Variants in GPC6 observed in about 807,000 individuals in gnomAD.
GPC6 encodes glypican 6.
A neutral mutation model predicts 55.2 loss-of-function variants in GPC6; 14 were observed. The ratio of observed to expected loss-of-function variants is 0.25; its 90% CI spans 0.17 to 0.40. The LOEUF (loss-of-function observed/expected upper bound fraction) is 0.40, where lower values mean the gene tolerates loss of function less well. Among genes scored for constraint, GPC6 ranks in the 10% least tolerant of loss-of-function variants. GPC6 has a pLI of 1.00. For missense variants in GPC6, 641 were observed against 708.5 expected, an observed-to-expected ratio of 0.90 and a Z score of 1.08; for synonymous variants, 278 against 259.6, an observed-to-expected ratio of 1.07 and a Z score of -0.68.
chr13:93,303,415 T>C (rs898661452), intron 1 of GPC6, among the ~76,000 whole-genome samples: 1 of 152,138 alleles, frequency 6.6e-6, no homozygotes, highest in African/African-American at 2.4e-5. Context: ...ACAAAATGAG[T>C]GCTAGTTAAA....
At chr13:94,130,730 A>C (rs1195662391) in intron 4 of GPC6, among the ~76,000 whole-genome samples, 2 of 152,140 alleles carry the variant, frequency 1.3e-5, no homozygotes, top group African/African-American at 2.4e-5. Flanking sequence ...ATGACCATGA[A>C]GTCATTCTGC....
At chr13:94,122,736 C>G (rs928532472) in intron 4 of GPC6, among the ~76,000 whole-genome samples, 5 of 152,076 alleles carry the variant, frequency 3.3e-5, no homozygotes, top group Admixed American at 6.6e-5. Context: ...TTTTAAATTG[C>G]TGCAAAAATC....
intron 1 of GPC6, among the ~76,000 whole-genome samples, chr13:93,327,932 C>A (rs1190130575): frequency 6.6e-6 from 1 of 152,110 alleles, no homozygotes; most frequent in African/African-American, 2.4e-5. Flanking sequence ...CTCTGTAGAA[C>A]TGACTCCTCA....
At chr13:93,797,076 A>T (rs1886218515) in intron 2 of GPC6, among the ~76,000 whole-genome samples, 1 of 152,248 alleles carries the variant, frequency 6.6e-6, no homozygotes, top group African/African-American at 2.4e-5. Context: ...TAACACTAGA[A>T]AAGAGAACAT....
chr13:93,558,605 T>G (rs1445252), intron 2 of GPC6, among the ~76,000 whole-genome samples: 127,484 of 152,134 alleles, frequency 0.84, 53,485 homozygotes, highest in East Asian at 0.92. Context: ...CAAAGTGAAG[T>G]GTATCCATTA....
chr13:93,514,529 T>C (rs2139389972), intron 1 of GPC6, among the ~76,000 whole-genome samples: 1 of 152,324 alleles, frequency 6.6e-6, no homozygotes, highest in South Asian at 2.1e-4. Context: ...GAGTATAATT[T>C]ATCTTTTCAG....
intron 7 of GPC6, among the ~76,000 whole-genome samples, chr13:94,384,236 G>T (rs1192938159): frequency 6.6e-6 from 1 of 152,188 alleles, no homozygotes; most frequent in African/African-American, 2.4e-5. Context: ...TTAACAACAT[G>T]CCACTAAAAA....
chr13:94,187,259 C>T (rs1019509678), intron 4 of GPC6: 1 of 152,184 alleles, frequency 6.6e-6, no homozygotes, highest in Admixed American at 6.5e-5. Context: ...TGCAGTGAAT[C>T]ACCGGCATAA....
intron 1 of GPC6, among the ~76,000 whole-genome samples, chr13:93,298,460 G>T (rs1339938265): frequency 6.6e-6 from 1 of 151,948 alleles, no homozygotes; most frequent in Non-Finnish European, 1.5e-5. Context: ...TTTCAGACAG[G>T]GTCCCACTCT....
chr13:94,147,538 C>T (rs923683059), intron 4 of GPC6, among the ~76,000 whole-genome samples: 1 of 152,112 alleles, frequency 6.6e-6, no homozygotes, highest in African/African-American at 2.4e-5. Context: ...ACCATGCTTA[C>T]CAAACTTAAA....
chr13:94,222,755 C>T (rs886552161), intron 4 of GPC6, among the ~76,000 whole-genome samples: 2 of 152,060 alleles, frequency 1.3e-5, no homozygotes, highest in African/African-American at 4.8e-5. Context: ...TTCTAATAGT[C>T]CTTCATTTCA....
At chr13:94,142,273 T>C (rs1887405623) in intron 4 of GPC6, among the ~76,000 whole-genome samples, 1 of 152,250 alleles carries the variant, frequency 6.6e-6, no homozygotes, top group Middle Eastern at 3.4e-3. Flanking sequence ...AGAGAGAAAA[T>C]CCACAAGTTC....
chr13:93,634,182 G>T (rs558648014), intron 2 of GPC6, among the ~76,000 whole-genome samples: 3 of 152,202 alleles, frequency 2.0e-5, no homozygotes, highest in East Asian at 3.9e-4. Flanking sequence ...ATGTTTTCAG[G>T]TCAGAGAGAT....
chr13:94,338,900 T>TTCTA (rs562771826), intron 6 of GPC6, among the ~76,000 whole-genome samples: 35 of 152,196 alleles, frequency 2.3e-4, no homozygotes, highest in African/African-American at 8.2e-4. Context: ...CTGGTCAGCT[T>TTCTA]TCTATCTTGC....
Position 93,667,518 on chromosome 13 carries a change from C to T in GPC6, c.319+122097C>T, listed in dbSNP as rs112722983. On this transcript the variant is annotated intron_variant, in intron 2 of 8. Coordinates refer to ENST00000377047, the MANE Select transcript of GPC6 (RefSeq NM_005708.5). ...CAAGAACTTGGTTCACTGCAACCTT[C>T]GCCTCACAGGTTCAAGTGATTCTCC... is the stretch of plus-strand genomic sequence containing the variant. 1.4e-3 allele frequency among the ~76,000 whole-genome samples: 211 copies of T among 151,450 alleles called. 1 individual carries two copies. The highest frequency in any genetic ancestry group is 4.8e-3 in the African/African-American group (197 of 41,210).
chr13:93,570,852 A>T (rs1187275160), intron 2 of GPC6, among the ~76,000 whole-genome samples: 4 of 152,132 alleles, frequency 2.6e-5, no homozygotes, highest in Non-Finnish European at 5.9e-5. Flanking sequence ...CAAAAATCCA[A>T]TCTCTAATAC....
intron 3 of GPC6, among the ~76,000 whole-genome samples, chr13:93,891,065 G>A (rs1237908513): frequency 6.6e-6 from 1 of 151,994 alleles, no homozygotes; most frequent in Non-Finnish European, 1.5e-5. Context: ...TTTTTAAAAA[G>A]CTTTAAAACA....
chr13:93,720,631 T>C (rs1463053978), intron 2 of GPC6, among the ~76,000 whole-genome samples: 1 of 152,058 alleles, frequency 6.6e-6, no homozygotes, highest in East Asian at 1.9e-4. Context: ...TTGTCCTTGC[T>C]TCTCTAGTTC....
intron 1 of GPC6, among the ~76,000 whole-genome samples, chr13:93,459,590 A>G (rs7337911): frequency 0.22 from 32,770 of 152,074 alleles, 3,663 homozygotes; most frequent in South Asian, 0.26. Context: ...TCTTACATAG[A>G]CGAGTTCAGA....
Sources: gnomAD v4.1 joint callset for allele counts (sites outside exome capture counted in the v4.1 genomes callset) on GRCh38, gnomAD v4.1.1 for gene constraint, MANE v1.5 for transcripts, NCBI Gene and HGNC (gene_info 2026-07-23, HGNC 2026-07-21) for gene names.